The following NRXN1 variants were observed in gnomAD, a reference collection of about 807,000 sequenced individuals.
The protein encoded by NRXN1 is neurexin-1.
Under a neutral mutation model 150.9 loss-of-function variants are expected in NRXN1, and 39 were observed. That is an observed-to-expected ratio of 0.26 (90% CI 0.20 to 0.34). The LOEUF (loss-of-function observed/expected upper bound fraction) is 0.34. NRXN1 is among the 10% of genes least tolerant of loss of function. The probability of loss-of-function intolerance (pLI) is 1.00; values close to 1 mark genes in which losing one functional copy is unlikely to be tolerated. For synonymous variants in NRXN1, 924 were observed against 757.0 expected (o/e 1.22, Z -3.62); for missense variants, 1,815 against 1,949.9 (o/e 0.93, Z 1.30).
intron 17 of NRXN1, among the ~76,000 whole-genome samples, chr2:50,384,497 C>G (rs530756985): frequency 1.8e-5 from 2 of 111,304 alleles, no homozygotes; most frequent in African/African-American, 7.3e-5. Context: ...CAGAGCAAGA[C>G]TCCATCTCAA....
intron 5 of NRXN1, among the ~76,000 whole-genome samples, chr2:50,763,327 T>C (rs1452052611): frequency 1.3e-5 from 2 of 152,000 alleles, no homozygotes; most frequent in Non-Finnish European, 2.9e-5. Context: ...ATTTTACCAT[T>C]GCTTGCCTGT....
At chr2:50,547,519 G>C (rs1009186260) in intron 9 of NRXN1, 2 of 152,194 alleles carry the variant, frequency 1.3e-5, no homozygotes, top group Non-Finnish European at 2.9e-5. Context: ...AGGCAAAGGG[G>C]AAGTCTGGAA....
chr2:50,351,354 G>A (rs1177027041), intron 17 of NRXN1, among the ~76,000 whole-genome samples: 1 of 152,162 alleles, frequency 6.6e-6, no homozygotes, highest in Non-Finnish European at 1.5e-5. Flanking sequence ...CAGAATTACA[G>A]CAGACAGAGG....
intron 18 of NRXN1, among the ~76,000 whole-genome samples, chr2:50,115,854 G>T (rs970143892): frequency 2.0e-5 from 3 of 152,018 alleles, no homozygotes; most frequent in Admixed American, 1.3e-4. Context: ...ATGTACATAT[G>T]TATGTTTATA....
At chr2:50,414,220 C>A (rs981685245) in intron 17 of NRXN1, among the ~76,000 whole-genome samples, 2 of 151,996 alleles carry the variant, frequency 1.3e-5, no homozygotes, top group African/African-American at 4.8e-5. Flanking sequence ...GTTTGTAGCT[C>A]AAAGGATAAA....
chr2:50,476,348 G>C (rs554989256), intron 15 of NRXN1, among the ~76,000 whole-genome samples: 2 of 152,152 alleles, frequency 1.3e-5, no homozygotes, highest in African/African-American at 4.8e-5. Flanking sequence ...AGGCATTTTG[G>C]TTTTCTCTGT....
intron 17 of NRXN1, among the ~76,000 whole-genome samples, chr2:50,253,314 G>A (rs2067345831): frequency 6.6e-6 from 1 of 152,160 alleles, no homozygotes; most frequent in African/African-American, 2.4e-5. Context: ...ATTTTGGGCT[G>A]AGACATGGGG....
At chr2:49,938,034 A>C (rs1332388704) in intron 22 of NRXN1, among the ~76,000 whole-genome samples, 1 of 152,196 alleles carries the variant, frequency 6.6e-6, no homozygotes, top group East Asian at 1.9e-4. Flanking sequence ...TGAAAATTGC[A>C]TGGTAATTGC....
At chr2:50,916,612 A>C (rs1685247601) in intron 5 of NRXN1, among the ~76,000 whole-genome samples, 1 of 151,644 alleles carries the variant, frequency 6.6e-6, no homozygotes, top group African/African-American at 2.4e-5. Context: ...TATTTCAGTA[A>C]AACGCATCTA....
At position 50,420,218 on chromosome 2, in the gene NRXN1, G is replaced by A. The variant is rs1320621350; in HGVS notation, c.3364+45224C>T. On this transcript the variant is annotated intron_variant, in intron 17 of 22. Transcript: ENST00000401669. ...ACAAAGGCAATTCAAATCAAAGTGA[G>A]CACTGCCTATATACAGACAGAAAGC... Among the ~76,000 whole-genome samples the A allele has an allele frequency of 2.6e-5, 4 of 151,952 alleles. No individual in the cohort carries two copies. The East Asian group carries it at 7.7e-4, about 29-fold the overall frequency.
intron 2 of NRXN1, among the ~76,000 whole-genome samples, chr2:50,934,877 T>G (rs927710417): frequency 2.5e-4 from 38 of 152,190 alleles, no homozygotes; most frequent in African/African-American, 8.9e-4. Context: ...AAAATGTGTT[T>G]GAATAATTCA....
At chr2:50,228,394 G>C (rs2064609884) in intron 18 of NRXN1, among the ~76,000 whole-genome samples, 1 of 151,972 alleles carries the variant, frequency 6.6e-6, no homozygotes, top group African/African-American at 2.4e-5. Flanking sequence ...AGATTGTAAA[G>C]GCAAGCACGG....
chr2:50,679,649 AC>A (rs1690075537), intron 5 of NRXN1, among the ~76,000 whole-genome samples: 1 of 152,152 alleles, frequency 6.6e-6, no homozygotes, highest in Non-Finnish European at 1.5e-5. Flanking sequence ...CAAAAACCTC[AC>A]AAAAATATAA....
At chr2:50,900,484 C>A (rs78260863) in intron 5 of NRXN1, among the ~76,000 whole-genome samples, 11,941 of 152,162 alleles carry the variant, frequency 0.078, 492 homozygotes, top group Middle Eastern at 0.13. Context: ...AACAAACCCT[C>A]TCACTTGGGT....
chr2:50,469,900 T>C (rs2104685507), intron 16 of NRXN1, among the ~76,000 whole-genome samples: 1 of 151,382 alleles, frequency 6.6e-6, no homozygotes, highest in Non-Finnish European at 1.5e-5. Context: ...TTAACCAAAT[T>C]CCTTACTAGA....
At chr2:50,936,365 C>G (rs1390050859) in intron 2 of NRXN1, among the ~76,000 whole-genome samples, 3 of 152,116 alleles carry the variant, frequency 2.0e-5, no homozygotes, top group Non-Finnish European at 4.4e-5. Flanking sequence ...CATCCTGACT[C>G]AGTACTATCT....
At chr2:49,928,291 T>TA (rs1669479642) in intron 22 of NRXN1, among the ~76,000 whole-genome samples, 1 of 152,066 alleles carries the variant, frequency 6.6e-6, no homozygotes, top group African/African-American at 2.4e-5. Flanking sequence ...AAGATGCATT[T>TA]ACTGAATTTC....
chr2:50,240,666 C>T (rs1272397893), intron 17 of NRXN1, among the ~76,000 whole-genome samples: 2 of 151,656 alleles, frequency 1.3e-5, no homozygotes, highest in Non-Finnish European at 3.0e-5. Context: ...GATCTGGGTT[C>T]AAATTCCAAC....
intron 22 of NRXN1, among the ~76,000 whole-genome samples, chr2:49,934,842 ATAAAG>A (rs2104261417): frequency 6.6e-6 from 1 of 152,282 alleles, no homozygotes; most frequent in South Asian, 2.1e-4. Context: ...CCCTCCAAAA[ATAAAG>A]TAAGAAGAGC....
Sources: allele counts gnomAD v4.1 joint callset (sites outside exome capture counted in the v4.1 genomes callset), GRCh38; gene constraint gnomAD v4.1.1; transcripts MANE v1.5; gene names NCBI Gene and HGNC (gene_info 2026-07-23, HGNC 2026-07-21).